EEFSEC: variants seen among roughly 807,000 people sequenced by gnomAD.
EEFSEC encodes selenocysteine-specific elongation factor.
EEFSEC carries 43 observed loss-of-function variants against 42.1 expected under a neutral mutation model. That is an observed-to-expected ratio of 1.02 (90% CI 0.80 to 1.32). EEFSEC has a LOEUF of 1.32. Ranked by LOEUF, EEFSEC falls within the 40% of genes most tolerant of loss-of-function variation. The probability of loss-of-function intolerance (pLI) is 0.00; values close to 1 mark genes in which losing one functional copy is unlikely to be tolerated. For missense variants in EEFSEC, 745 were observed against 803.6 expected (o/e 0.93, Z 0.88); for synonymous variants, 354 against 339.1 (o/e 1.04, Z -0.48).
intron 5 of EEFSEC, among the ~76,000 whole-genome samples, chr3:128,355,838 C>T (rs984462657): frequency 2.0e-5 from 3 of 152,212 alleles, no homozygotes; most frequent in Admixed American, 1.3e-4. Context: ...AAAGGCATAA[C>T]GTCAGGTGGC....
chr3:128,219,188 G>C (rs1016629617), intron 1 of EEFSEC, among the ~76,000 whole-genome samples: 6 of 152,228 alleles, frequency 3.9e-5, no homozygotes. Flanking sequence ...CCTGGCCCCA[G>C]CCACCTCATC....
At chr3:128,198,158 G>A (rs1036939470) in intron 1 of EEFSEC, among the ~76,000 whole-genome samples, 17 of 152,208 alleles carry the variant, frequency 1.1e-4, no homozygotes, top group Non-Finnish European at 2.5e-4. Context: ...GGGGATGAAA[G>A]GGAAGGAGAA....
rs575997346 is a variant in EEFSEC at position 128,341,488 on chromosome 3, T to C, written c.1042T>C (p.Leu348=). 1 of 1,614,088 alleles carries C rather than the reference T, an allele frequency of 6.2e-7. No homozygotes were observed. Among genetic ancestry groups the C allele is most frequent in the African/African-American group, 1.3e-5 (1 of 75,044 alleles). Residue 348 remains leucine, a synonymous_variant, in exon 5 of 7, where the codon TTG becomes CTG. Transcript: ENST00000254730. ...GGGCCATGAAACAGTCATGGGCCGG[T>C]TGATGTTCTTCAGTCCTGCTCCAGA... is the stretch of plus-strand genomic sequence containing the variant. ...TVGHETVMGR[L]MFFSPAPDNF...
chr3:128,233,263 C>T (rs1001181813), intron 1 of EEFSEC, among the ~76,000 whole-genome samples: 4 of 152,144 alleles, frequency 2.6e-5, no homozygotes, highest in Admixed American at 1.3e-4. Context: ...TTCTCCTTAA[C>T]GCAAATTTAA....
At chr3:128,271,078 G>A (rs928194506) in intron 4 of EEFSEC, among the ~76,000 whole-genome samples, 1 of 152,242 alleles carries the variant, frequency 6.6e-6, no homozygotes, top group Non-Finnish European at 1.5e-5. Flanking sequence ...ATTGGAAATA[G>A]GTAATGAGTG....
At chr3:128,394,711 G>A (rs1057366014) in intron 6 of EEFSEC, among the ~76,000 whole-genome samples, 1 of 152,134 alleles carries the variant, frequency 6.6e-6, no homozygotes, top group Non-Finnish European at 1.5e-5. Flanking sequence ...TCCCCCAATG[G>A]CCAGCCTTGG....
chr3:128,344,714 G>A (rs2107569820), intron 5 of EEFSEC, among the ~76,000 whole-genome samples: 1 of 152,332 alleles, frequency 6.6e-6, no homozygotes, highest in South Asian at 2.1e-4. Context: ...GTGGAACTTG[G>A]AGATCATACA....
intron 4 of EEFSEC, among the ~76,000 whole-genome samples, chr3:128,299,186 A>G (rs1420801215): frequency 6.6e-6 from 1 of 152,084 alleles, no homozygotes; most frequent in Admixed American, 6.5e-5. Context: ...ATTCCCACCA[A>G]CAGTGTACTA....
intron 1 of EEFSEC, among the ~76,000 whole-genome samples, chr3:128,194,924 C>T (rs1333609146): frequency 6.6e-6 from 1 of 152,044 alleles, no homozygotes; most frequent in Non-Finnish European, 1.5e-5. Context: ...TTTTCTTTCC[C>T]AATGTTATTT....
chr3:128,300,812 A>T (rs756985355), intron 4 of EEFSEC, among the ~76,000 whole-genome samples: 1 of 152,172 alleles, frequency 6.6e-6, no homozygotes, highest in South Asian at 2.1e-4. Context: ...GACAATTTGA[A>T]AATTTACTCT....
intron 4 of EEFSEC, among the ~76,000 whole-genome samples, chr3:128,296,692 G>A (rs1559908209): frequency 6.6e-6 from 1 of 152,158 alleles, no homozygotes; most frequent in Non-Finnish European, 1.5e-5. Context: ...CCCTCCGTCT[G>A]TCTCTCTGGC....
At chr3:128,232,079 C>G (rs1316008801) in intron 1 of EEFSEC, among the ~76,000 whole-genome samples, 1 of 152,148 alleles carries the variant, frequency 6.6e-6, no homozygotes, top group Non-Finnish European at 1.5e-5. Flanking sequence ...CCAAGCCCCT[C>G]AAGGTGTCTG....
In EEFSEC at chr3:128,407,981, G is replaced by A. The variant is rs1317687192; in HGVS notation, c.1601-88G>A. 2.4e-6 allele frequency: 3 copies of A among 1,272,964 alleles called. No individual in the cohort carries two copies. In the African/African-American group the frequency reaches 4.5e-5, roughly 19 times the overall value. The allele number at this position is 1,272,964 out of a possible 1,614,324, so 78.9% of individuals were successfully genotyped here. A position where few individuals can be genotyped will look rare whatever the true frequency, so the allele number is the denominator to read the frequency against. On this transcript the variant is annotated intron_variant, in intron 6 of 6. Transcript: ENST00000254730. Reference sequence around the variant, plus strand: ...TGGCTAGGGAGGGAGGCAGAAGAGGGGTGAGTCTAGGCAGCAGGTGCGCGG... The same window carrying A: ...TGGCTAGGGAGGGAGGCAGAAGAGGAGTGAGTCTAGGCAGCAGGTGCGCGG...
At chr3:128,294,397 T>A (rs1353463684) in intron 4 of EEFSEC, among the ~76,000 whole-genome samples, 1 of 152,202 alleles carries the variant, frequency 6.6e-6, no homozygotes, top group East Asian at 1.9e-4. Context: ...GAAAAGTGAA[T>A]TAAGTTCTAT....
intron 4 of EEFSEC, among the ~76,000 whole-genome samples, chr3:128,278,955 G>A (rs180775363): frequency 1.9e-4 from 29 of 152,334 alleles, no homozygotes; most frequent in African/African-American, 6.0e-4. Context: ...GTGACTGGGC[G>A]GAAGGTCAGG....
chr3:128,346,912 T>C (rs949099040), intron 5 of EEFSEC, among the ~76,000 whole-genome samples: 2 of 152,288 alleles, frequency 1.3e-5, no homozygotes, highest in South Asian at 4.2e-4. Flanking sequence ...CATTAGAAAA[T>C]ATAAAAACCC....
chr3:128,310,342 G>T lies in EEFSEC; in HGVS notation c.787-30891G>T, dbSNP rs184211366. On this transcript the variant is annotated intron_variant, in intron 4 of 6. Coordinates refer to ENST00000254730, the MANE Select transcript of EEFSEC (RefSeq NM_021937.5). ...CATACAACCATCTCCGCATCTTTCA[G>T]CTTTGACTGCTCCTGCCCCGTAATC... Among the ~76,000 whole-genome samples the T allele has an allele frequency of 3.3e-5, 5 of 152,346 alleles. No individual in the cohort carries two copies. In the East Asian group the frequency reaches 5.8e-4, roughly 18 times the overall value.
intron 6 of EEFSEC, among the ~76,000 whole-genome samples, chr3:128,396,262 C>A (rs111757409): frequency 2.0e-5 from 3 of 152,314 alleles, no homozygotes; most frequent in African/African-American, 7.2e-5. Context: ...AGAAGAGAGA[C>A]AGCCCCTTCC....
At chr3:128,376,515 G>A (rs1029969255) in intron 6 of EEFSEC, among the ~76,000 whole-genome samples, 2 of 152,158 alleles carry the variant, frequency 1.3e-5, no homozygotes, top group African/African-American at 4.8e-5. Context: ...GTCTCCCAGT[G>A]TCTCCAGGGT....
Sources: gnomAD v4.1 joint callset for allele counts (sites outside exome capture counted in the v4.1 genomes callset) on GRCh38, gnomAD v4.1.1 for gene constraint, MANE v1.5 for transcripts, NCBI Gene and HGNC (gene_info 2026-07-23, HGNC 2026-07-21) for gene names.